Variants in CGNL1 observed in about 807,000 individuals in gnomAD.
CGNL1 encodes cingulin-like protein 1.
In CGNL1, 132 loss-of-function variants were observed where a neutral mutation model predicts 141.2. The observed-to-expected ratio is 0.93, with a 90% CI of 0.81 to 1.08. The LOEUF (loss-of-function observed/expected upper bound fraction) is 1.08, where lower values mean the gene tolerates loss of function less well. CGNL1 is among the 50% of genes least tolerant of loss of function. The pLI, the probability that CGNL1 is intolerant of heterozygous loss-of-function variation, is 0.00. For synonymous variants in CGNL1, 690 were observed against 622.1 expected (o/e 1.11, Z -1.63); for missense variants, 1,870 against 1,588.6 (o/e 1.18, Z -3.01).
At chr15:57,523,067 A>G (rs1365123175) in intron 10 of CGNL1, among the ~76,000 whole-genome samples, 3 of 152,246 alleles carry the variant, frequency 2.0e-5, no homozygotes, top group Non-Finnish European at 4.4e-5. Context: ...TGCATAGCAT[A>G]GTAAATACTG....
chr15:57,458,619 A>G (rs751785160), intron 7 of CGNL1, among the ~76,000 whole-genome samples: 7 of 152,186 alleles, frequency 4.6e-5, no homozygotes, highest in Non-Finnish European at 1.0e-4. Flanking sequence ...GTGAGAGTAA[A>G]AGCAGGAAAC....
chr15:57,465,755 T>C (rs1166335585), intron 8 of CGNL1, among the ~76,000 whole-genome samples: 1 of 152,206 alleles, frequency 6.6e-6, no homozygotes, highest in Admixed American at 6.5e-5. Context: ...GTTTTTCTTA[T>C]TCTTACCACT....
chr15:57,408,690 C>G (rs1194246000), intron 1 of CGNL1, among the ~76,000 whole-genome samples: 7 of 152,064 alleles, frequency 4.6e-5, no homozygotes, highest in African/African-American at 1.7e-4. Context: ...CCTTTTCTGT[C>G]AATGAGCATA....
At chr15:57,428,952 G>A (rs1427426547) in intron 1 of CGNL1, among the ~76,000 whole-genome samples, 1 of 152,024 alleles carries the variant, frequency 6.6e-6, no homozygotes, top group Non-Finnish European at 1.5e-5. Flanking sequence ...GAACCCAGGA[G>A]GCAGAGGTTG....
intron 8 of CGNL1, among the ~76,000 whole-genome samples, chr15:57,474,932 T>C (rs775187689): frequency 6.6e-6 from 1 of 152,176 alleles, no homozygotes; most frequent in Non-Finnish European, 1.5e-5. Context: ...AAGTCCTAAG[T>C]TTAGTGAAGT....
At chr15:57,519,216 G>A (rs921249380) in intron 10 of CGNL1, among the ~76,000 whole-genome samples, 3 of 152,172 alleles carry the variant, frequency 2.0e-5, no homozygotes, top group Non-Finnish European at 4.4e-5. Context: ...TTGGCTCTCG[G>A]GATGCTGCTT....
intron 8 of CGNL1, among the ~76,000 whole-genome samples, chr15:57,516,385 G>A (rs1284995822): frequency 2.6e-5 from 4 of 152,104 alleles, no homozygotes; most frequent in Non-Finnish European, 5.9e-5. Flanking sequence ...TTCTGGAATT[G>A]TTAAAAGGTC....
At chr15:57,458,352 G>A (rs1174583170) in intron 7 of CGNL1, among the ~76,000 whole-genome samples, 8 of 152,176 alleles carry the variant, frequency 5.3e-5, no homozygotes, top group African/African-American at 1.9e-4. Flanking sequence ...GAAACATCGT[G>A]TACCTTTTAG....
chr15:57,422,435 T>C (rs1246491088), intron 1 of CGNL1, among the ~76,000 whole-genome samples: 1 of 152,204 alleles, frequency 6.6e-6, no homozygotes, highest in Non-Finnish European at 1.5e-5. Context: ...AGAACCTTCA[T>C]AAACTGAGCT....
At chr15:57,468,160 A>G (rs916863328) in intron 8 of CGNL1, among the ~76,000 whole-genome samples, 1 of 148,178 alleles carries the variant, frequency 6.7e-6, no homozygotes, top group Non-Finnish European at 1.5e-5. Context: ...TTAATTACCT[A>G]TCCTCTCTAC....
Position 57,547,465 on chromosome 15 carries a change from A to G in CGNL1, c.3884A>G (p.Asp1295Gly), listed in dbSNP as rs142840971. 3.5e-5 allele frequency: 56 copies of G among 1,614,140 alleles called. No individual in the cohort carries two copies. The African/African-American group carries it at 6.5e-4, about 19-fold the overall frequency. ...EAPVSYTFSK[D>G]STVASQI is the part of the protein sequence containing the mutation. ...CCTGTGAGCTACACATTCTCCAAGG[A>G]CAGCACCGTCGCCAGCCAGATCTGA... The change falls in exon 19 of 19, where the codon GAC becomes GGC. Residue 1295 changes from aspartate (D) to glycine (G), a missense_variant. Coordinates refer to ENST00000281282, the MANE Select transcript of CGNL1 (RefSeq NM_032866.5).
chr15:57,408,425 G>A (rs2062747358), intron 1 of CGNL1, among the ~76,000 whole-genome samples: 1 of 152,128 alleles, frequency 6.6e-6, no homozygotes, highest in Non-Finnish European at 1.5e-5. Flanking sequence ...TTTGGAATCG[G>A]AGAATCAATT....
intron 8 of CGNL1, among the ~76,000 whole-genome samples, chr15:57,479,562 G>C (rs554406053): frequency 1.4e-3 from 208 of 152,320 alleles, no homozygotes; most frequent in African/African-American, 4.7e-3. Flanking sequence ...TAGTTGGGAG[G>C]CTGAGGCAGG....
At chr15:57,423,526 G>C (rs1161947172) in intron 1 of CGNL1, among the ~76,000 whole-genome samples, 5 of 152,104 alleles carry the variant, frequency 3.3e-5, no homozygotes, top group Admixed American at 6.5e-5. Context: ...TTCTGGTCCA[G>C]CTTCCATGCC....
chr15:57,455,341 G>C (rs2063366282), intron 7 of CGNL1, among the ~76,000 whole-genome samples: 1 of 152,140 alleles, frequency 6.6e-6, no homozygotes, highest in South Asian at 2.1e-4. Context: ...TTAAATAGAA[G>C]ATAAAACATT....
At chr15:57,467,608 ACT>A (rs1434378648) in intron 8 of CGNL1, among the ~76,000 whole-genome samples, 1 of 151,918 alleles carries the variant, frequency 6.6e-6, no homozygotes, top group Non-Finnish European at 1.5e-5. Flanking sequence ...ACGTTTTAAC[ACT>A]CTATATTAAT....
At chr15:57,453,164 A>G (rs770219413) in intron 6 of CGNL1, among the ~76,000 whole-genome samples, 90 of 152,142 alleles carry the variant, frequency 5.9e-4, no homozygotes, top group Non-Finnish European at 4.0e-4. Context: ...AGTCTGTTGC[A>G]CATACTCAGC....
intron 4 of CGNL1, among the ~76,000 whole-genome samples, chr15:57,451,088 C>T (rs1331791884): frequency 7.2e-5 from 11 of 152,140 alleles, no homozygotes; most frequent in African/African-American, 2.4e-4. Flanking sequence ...GATTTCCATG[C>T]TCTGGAATAT....
chr15:57,407,017 C>T (rs2062730952), intron 1 of CGNL1: 1 of 152,190 alleles, frequency 6.6e-6, no homozygotes, highest in African/African-American at 2.4e-5. Context: ...CATGAATTTT[C>T]CCTGTAATGG....
Sources: allele counts gnomAD v4.1 joint callset (sites outside exome capture counted in the v4.1 genomes callset), GRCh38; gene constraint gnomAD v4.1.1; transcripts MANE v1.5; gene names NCBI Gene and HGNC (gene_info 2026-07-23, HGNC 2026-07-21).